Variants in GPM6A observed in about 807,000 individuals in gnomAD.
The protein encoded by GPM6A is glycoprotein M6A.
In GPM6A, 7 loss-of-function variants were observed where a neutral mutation model predicts 32.1. The observed-to-expected ratio is 0.22, with a 90% CI of 0.12 to 0.41. The LOEUF (loss-of-function observed/expected upper bound fraction) is 0.41. Ranked by LOEUF, GPM6A falls within the 10% of genes least tolerant of loss-of-function variation. GPM6A has a pLI of 1.00. For synonymous variants in GPM6A, 130 were observed against 123.4 expected, an observed-to-expected ratio of 1.05 and a Z score of -0.35; for missense variants, 235 against 347.2, an observed-to-expected ratio of 0.68 and a Z score of 2.57.
At chr4:175,830,458 G>T (rs1735574607) in intron 1 of GPM6A, among the ~76,000 whole-genome samples, 1 of 152,034 alleles carries the variant, frequency 6.6e-6, no homozygotes, top group Admixed American at 6.6e-5. Context: ...CCCTTTTTAT[G>T]CACCGGACAC....
At chr4:175,999,154 A>G (rs753158363) in intron 1 of GPM6A, among the ~76,000 whole-genome samples, 7 of 152,228 alleles carry the variant, frequency 4.6e-5, no homozygotes, top group Admixed American at 2.6e-4. Flanking sequence ...ACAGTAATCA[A>G]TGGTCTCATA....
At chr4:175,800,881 A>G (rs1734446671) in intron 1 of GPM6A, 1 of 197,636 alleles carries the variant, frequency 5.1e-6, no homozygotes. Context: ...GTCATGCCAC[A>G]TGTATGGAAA....
chr4:175,780,676 A>G (rs190856861), intron 1 of GPM6A, among the ~76,000 whole-genome samples: 3 of 152,306 alleles, frequency 2.0e-5, no homozygotes, highest in African/African-American at 7.2e-5. Context: ...GTTTATGACA[A>G]TTTGAATTTC....
chr4:175,718,307 A>G (rs1745943430), intron 1 of GPM6A, among the ~76,000 whole-genome samples: 2 of 152,204 alleles, frequency 1.3e-5, no homozygotes, highest in African/African-American at 4.8e-5. Context: ...TTTGTAAACT[A>G]ATCTAGAAAA....
chr4:175,710,324 C>T (rs1321183046), intron 1 of GPM6A, among the ~76,000 whole-genome samples: 1 of 151,932 alleles, frequency 6.6e-6, no homozygotes, highest in East Asian at 1.9e-4. Context: ...AAGTATTTAA[C>T]CCTATAAAGT....
chr4:175,796,872 C>T (rs1734253155), intron 1 of GPM6A, among the ~76,000 whole-genome samples: 1 of 152,146 alleles, frequency 6.6e-6, no homozygotes, highest in Non-Finnish European at 1.5e-5. Flanking sequence ...CTCACAATTT[C>T]TTTCCTGTCT....
intron 1 of GPM6A, among the ~76,000 whole-genome samples, chr4:175,716,436 T>C (rs1380274306): frequency 6.6e-6 from 1 of 152,066 alleles, no homozygotes; most frequent in East Asian, 1.9e-4. Flanking sequence ...GGAGAGGTAA[T>C]TCAAAAGTCT....
At chr4:175,920,395 AAGAACTG>A (rs779540846) in intron 1 of GPM6A, among the ~76,000 whole-genome samples, 5 of 152,246 alleles carry the variant, frequency 3.3e-5, no homozygotes, top group African/African-American at 4.8e-5. Flanking sequence ...CAAAAAAATA[AAGAACTG>A]AGAACTGTTC....
chr4:175,839,089 T>G (rs1422086933), intron 1 of GPM6A, among the ~76,000 whole-genome samples: 1 of 152,194 alleles, frequency 6.6e-6, no homozygotes, highest in African/African-American at 2.4e-5. Context: ...TCATTTAAGA[T>G]TATCCAATAT....
intron 1 of GPM6A, among the ~76,000 whole-genome samples, chr4:175,915,809 G>GTGTTGTCCT (rs367996698): frequency 0.012 from 1,828 of 152,320 alleles, 18 homozygotes; most frequent in Middle Eastern, 0.024. Flanking sequence ...TAGTCTTTTT[G>GTGTTGTCCT]TGTTGTCCTT....
At chr4:175,840,457 C>A (rs1167085965) in intron 1 of GPM6A, among the ~76,000 whole-genome samples, 1 of 152,200 alleles carries the variant, frequency 6.6e-6, no homozygotes, top group Non-Finnish European at 1.5e-5. Context: ...GCGGACGGAT[C>A]ACCTGAGGTC....
intron 1 of GPM6A, among the ~76,000 whole-genome samples, chr4:175,975,020 C>G (rs779307825): frequency 6.6e-6 from 1 of 152,128 alleles, no homozygotes; most frequent in Non-Finnish European, 1.5e-5. Context: ...TCAATTCCCT[C>G]AAGTCCATAA....
intron 1 of GPM6A, among the ~76,000 whole-genome samples, chr4:175,983,996 CTCTCTCTCTCTCTG>C (rs1270209281): frequency 6.8e-6 from 1 of 148,094 alleles, no homozygotes; most frequent in East Asian, 2.0e-4. Context: ...CTCTGTCTCT[CTCTCTCTCTCTCTG>C]TCTCTCTCTC....
In GPM6A at chr4:175,640,883, GA is replaced by G. The variant is rs1487652422; in HGVS notation, c.542-55del. ...CAGTATAAATGTTTTGAAGAGCCAAGAGAGAAAAAAATGAGTTTTTGCTAAT... is the reference window on the plus strand; with the variant it reads ...CAGTATAAATGTTTTGAAGAGCCAAGGAGAAAAAAATGAGTTTTTGCTAAT... On this transcript the variant is annotated intron_variant, in intron 4 of 6. Coordinates refer to ENST00000393658, the MANE Select transcript of GPM6A (RefSeq NM_201591.3). 35 of 1,156,766 alleles carry G rather than the reference GA, an allele frequency of 3.0e-5. No homozygotes were observed. In the African/African-American group the frequency reaches 4.0e-4, roughly 13 times the overall value. 71.7% of individuals were successfully genotyped at this position (1,156,766 alleles called of 1,614,324 possible). A position where few individuals can be genotyped will look rare whatever the true frequency, so the allele number is the denominator to read the frequency against.
chr4:175,783,768 T>A (rs200605382), intron 1 of GPM6A, among the ~76,000 whole-genome samples: 23 of 52,724 alleles, frequency 4.4e-4, no homozygotes, highest in South Asian at 4.0e-3. Context: ...GACAAAAAAA[T>A]AGAAAAATAA....
chr4:175,773,537 AAAAT>A (rs1365264507), intron 1 of GPM6A, among the ~76,000 whole-genome samples: 1 of 152,144 alleles, frequency 6.6e-6, no homozygotes, highest in Non-Finnish European at 1.5e-5. Context: ...AAACTCTTTA[AAAAT>A]AATAAGAATA....
intron 1 of GPM6A, among the ~76,000 whole-genome samples, chr4:175,938,192 A>G (rs1337428863): frequency 6.6e-6 from 1 of 152,208 alleles, no homozygotes; most frequent in Non-Finnish European, 1.5e-5. Flanking sequence ...ATACATAGCA[A>G]TAATATTTTG....
intron 1 of GPM6A, among the ~76,000 whole-genome samples, chr4:175,802,136 AC>A (rs1485920041): frequency 2.0e-5 from 3 of 152,218 alleles, no homozygotes; most frequent in African/African-American, 7.2e-5. Context: ...AAAAAAAGTT[AC>A]TATGTAAAAG....
At chr4:175,719,226 G>A (rs1457926122) in intron 1 of GPM6A, among the ~76,000 whole-genome samples, 1 of 148,696 alleles carries the variant, frequency 6.7e-6, no homozygotes, top group East Asian at 2.0e-4. Context: ...TTTAGAAGGA[G>A]TCTCGCTCTG....
Sources: allele counts gnomAD v4.1 joint callset (sites outside exome capture counted in the v4.1 genomes callset), GRCh38; gene constraint gnomAD v4.1.1; transcripts MANE v1.5; gene names NCBI Gene and HGNC (gene_info 2026-07-23, HGNC 2026-07-21).